ZNF839: variants seen among roughly 807,000 people sequenced by gnomAD.
ZNF839 encodes zinc finger protein 839.
Under a neutral mutation model 56.4 loss-of-function variants are expected in ZNF839, and 38 were observed. The ratio of observed to expected loss-of-function variants is 0.67; its 90% CI spans 0.52 to 0.88. ZNF839 has a LOEUF of 0.88. ZNF839 is among the 40% of genes least tolerant of loss of function. ZNF839 has a pLI of 0.00. For missense variants in ZNF839, 1,091 were observed against 1,177.6 expected (o/e 0.93, Z 1.08); for synonymous variants, 486 against 493.5 (o/e 0.98, Z 0.20).
At chr14:102,325,408 G>A (rs1313272143) in intron 1 of ZNF839, among the ~76,000 whole-genome samples, 1 of 151,842 alleles carries the variant, frequency 6.6e-6, no homozygotes, top group African/African-American at 2.4e-5. Context: ...ATGGTAAGTA[G>A]TTCCATCAAC....
chr14:102,335,563 G>A (rs964910607), intron 4 of ZNF839, 126 bp from the exon 5 acceptor site: 2 of 947,612 alleles, frequency 2.1e-6, no homozygotes, highest in East Asian at 2.6e-5. Flanking sequence ...GGGGACTGAA[G>A]GAAACGCACA....
intron 1 of ZNF839, among the ~76,000 whole-genome samples, chr14:102,322,426 A>G (rs1202151212): frequency 6.6e-6 from 1 of 152,244 alleles, no homozygotes; most frequent in Non-Finnish European, 1.5e-5. Context: ...AGTTAACATT[A>G]GCTGAATTAA....
chr14:102,326,942 T>C lies in ZNF839; in HGVS notation c.1191+55T>C. ...TTATTTGGCCGTTCTCGGATTGCTA[T>C]AAAGAAATACCTGAGACCAGGTATT... On this transcript the variant is annotated intron_variant, in intron 2 of 7. Transcript: ENST00000442396. This position sits in a 1 kb window ranked among gnomAD's most constrained non-coding sequence, Gnocchi z 4.3. 2.0e-6 allele frequency: 3 copies of C among 1,481,394 alleles called. No individual in the cohort carries two copies. The highest frequency in any genetic ancestry group is 2.7e-6 in the Non-Finnish European group (3 of 1,112,546). The allele number at this position is 1,481,394 out of a possible 1,614,324, so 91.8% of individuals were successfully genotyped here. A position where few individuals can be genotyped will look rare whatever the true frequency, so the allele number is the denominator to read the frequency against.
intron 2 of ZNF839, among the ~76,000 whole-genome samples, chr14:102,328,217 G>A (rs2073525107): frequency 6.6e-6 from 1 of 150,550 alleles, no homozygotes; most frequent in South Asian, 2.1e-4. Context: ...AGCTGGGTAT[G>A]GTAGCACATG....
rs1413709232 is a variant in ZNF839, at chr14:102,331,739, G to A, written c.1309G>A (p.Glu437Lys). ...RRRACSETLA[E>K]SRTAVLQQRR... ...ACGCGCATGCTCAGAGACCCTTGCA[G>A]AGTCCCGCACAGCTGTCCTCCAGCA... is the stretch of plus-strand genomic sequence containing the variant. The change falls in exon 3 of 8, where the codon GAG (glutamate) becomes AAG (lysine). Residue 437 changes from glutamate (E) to lysine (K), a missense_variant. This residue lies in a region of ZNF839 where 614 missense variants were observed against 629.2 expected (regional missense o/e 0.98). Transcript: ENST00000442396. 3 of 1,605,812 alleles carry A rather than the reference G, an allele frequency of 1.9e-6. No homozygotes were observed. The East Asian group carries it at 6.7e-5, about 36-fold the overall frequency.
At position 102,331,732 on chromosome 14, in the gene ZNF839, C is replaced by G. The variant is rs765794126; in HGVS notation, c.1302C>G (p.Thr434=). 6 of 1,606,976 alleles carry G rather than the reference C, an allele frequency of 3.7e-6. No homozygotes were observed. In the South Asian group the frequency reaches 6.7e-5, roughly 18 times the overall value. Residue 434 remains threonine (T), a synonymous_variant, in exon 3 of 8, where the codon ACC becomes ACG. Coordinates refer to ENST00000442396, the MANE Select transcript of ZNF839 (RefSeq NM_018335.6). ...QGPRRRACSE[T]LAESRTAVLQ... ...CTAGAAGACGCGCATGCTCAGAGAC[C>G]CTTGCAGAGTCCCGCACAGCTGTCC...
At chr14:102,324,187 A>T (rs1257832226) in intron 1 of ZNF839, among the ~76,000 whole-genome samples, 4 of 152,110 alleles carry the variant, frequency 2.6e-5, no homozygotes, top group African/African-American at 7.2e-5. Context: ...AAAACTTTTT[A>T]AAAAACATGG....
Position 102,319,782 on chromosome 14 carries a change from C to T in ZNF839, c.17C>T (p.Pro6Leu), listed in dbSNP as rs547513991. 622 of 1,231,600 alleles carry T rather than the reference C, an allele frequency of 5.1e-4. 5 individuals carry two copies. The African/African-American group carries it at 8.9e-3, about 18-fold the overall frequency. 76.3% of individuals were successfully genotyped at this position (1,231,600 alleles called of 1,614,324 possible). The part of the protein sequence containing the change: MADAE[P>L]EAGGGSEDGG... Reference sequence around the variant, plus strand: ...TCGGCCGCCATGGCGGATGCGGAGCCGGAGGCTGGGGGCGGCAGCGAGGAT... The same window carrying T: ...TCGGCCGCCATGGCGGATGCGGAGCTGGAGGCTGGGGGCGGCAGCGAGGAT... Residue 6 changes from proline to leucine, a missense_variant, in exon 1 of 8, where the codon CCG (proline) becomes CTG (leucine). By Grantham distance (98) the Pro-to-Leu change is moderately conservative (BLOSUM62 -3). Around this residue, in one of 3 missense-constraint regions of ZNF839, gnomAD observed 614 missense variants for 629.2 expected, o/e 0.98. Coordinates refer to ENST00000442396, the MANE Select transcript of ZNF839 (RefSeq NM_018335.6). The surrounding 1 kb of genome is among the most constrained non-coding windows in gnomAD (Gnocchi z 4.5).
chr14:102,330,082 A>G (rs1254819129), intron 2 of ZNF839, among the ~76,000 whole-genome samples: 2 of 151,976 alleles, frequency 1.3e-5, no homozygotes, highest in East Asian at 3.9e-4. Context: ...GGCGTGAGCC[A>G]TTGCGCCCGG....
intron 5 of ZNF839, among the ~76,000 whole-genome samples, 177 bp downstream of exon 5, chr14:102,336,015 C>T (rs1403526287): frequency 6.6e-6 from 1 of 152,108 alleles, no homozygotes; most frequent in Non-Finnish European, 1.5e-5. Context: ...TCAGTCTCTA[C>T]TAAAAATACA....
rs760936373 is a variant in ZNF839 at position 102,339,086 on chromosome 14, C to T, written c.1798-8C>T. ...CCTATTCTAGCTGATTGGGTCTTCT[C>T]TTCACAGGCTGCGGAGGAGGGACTG... is the stretch of plus-strand genomic sequence containing the variant. On this transcript the variant is annotated splice_polypyrimidine_tract_variant and splice_region_variant and intron_variant, in intron 6 of 7. Coordinates refer to ENST00000442396, the MANE Select transcript of ZNF839 (RefSeq NM_018335.6). The T allele has an allele frequency of 6.2e-7, 1 of 1,613,842 alleles. No homozygotes were observed. The highest frequency in any genetic ancestry group is 8.5e-7 in the Non-Finnish European group (1 of 1,179,838).
intron 2 of ZNF839, among the ~76,000 whole-genome samples, chr14:102,329,577 G>T (rs180858818): frequency 6.6e-6 from 1 of 151,732 alleles, no homozygotes; most frequent in Non-Finnish European, 1.5e-5. Flanking sequence ...TAGAGACGGG[G>T]TTTCGCCATA....
chr14:102,317,559 CG>C (rs58716954), upstream of ZNF839: 19,093 of 151,912 alleles, frequency 0.13, 1,859 homozygotes, highest in African/African-American at 0.28. Flanking sequence ...GGCCCACTTG[CG>C]GGGAAGTCTT....
At chr14:102,328,043 C>A (rs2073512735) in intron 2 of ZNF839, among the ~76,000 whole-genome samples, 1 of 151,808 alleles carries the variant, frequency 6.6e-6, no homozygotes, top group Non-Finnish European at 1.5e-5. Flanking sequence ...ATTATCACAT[C>A]AAAAAATTTT....
In ZNF839 at chr14:102,319,917, C is replaced by T. The variant is rs1567280873; in HGVS notation, c.152C>T (p.Ala51Val). 1 of 1,235,358 alleles carries T rather than the reference C, an allele frequency of 8.1e-7. No homozygotes were observed. Among genetic ancestry groups the T allele is most frequent in the Non-Finnish European group, 1.0e-6 (1 of 983,038 alleles). The allele number at this position is 1,235,358 out of a possible 1,614,324, so 76.5% of individuals were successfully genotyped here. ...CAGGTCCTGGAGCAGGTGACGAAGG[C>T]GCAGCCGCCGCCGCCGCCGCCCCCC... ...LRQVLEQVTK[A>V]QPPPPPPPFV... The change falls in exon 1 of 8, where the codon GCG becomes GTG. Residue 51 changes from alanine (A) to valine (V), a missense_variant. Ala to Val is a moderately conservative substitution (Grantham distance 64). Coordinates refer to ENST00000442396, the MANE Select transcript of ZNF839 (RefSeq NM_018335.6). This position sits in a 1 kb window ranked among gnomAD's most constrained non-coding sequence, Gnocchi z 4.5.
At chr14:102,331,491 C>A in intron 2 of ZNF839, 131 bp from the exon 3 acceptor site, 1 of 719,038 alleles carries the variant, frequency 1.4e-6, no homozygotes, top group Non-Finnish European at 2.3e-6. Flanking sequence ...CTCAAATGAT[C>A]CACCCGCCTT....
At chr14:102,340,099 A>G (rs1323579058) in intron 7 of ZNF839, among the ~76,000 whole-genome samples, 2 of 151,072 alleles carry the variant, frequency 1.3e-5, no homozygotes, top group Non-Finnish European at 2.9e-5. Context: ...CAGCCTCCCC[A>G]GTAGCTGGGA....
chr14:102,324,203 C>T (rs771797642), intron 1 of ZNF839, among the ~76,000 whole-genome samples: 5 of 152,082 alleles, frequency 3.3e-5, no homozygotes, highest in African/African-American at 2.4e-5. Flanking sequence ...CATGGGCCCA[C>T]ATTATGAATT....
At position 102,326,048 on chromosome 14, in the gene ZNF839, C is replaced by A; in HGVS notation, c.352C>A (p.Leu118Ile). Residue 118 changes from leucine to isoleucine, a missense_variant, in exon 2 of 8, where the codon CTC becomes ATC. Around this residue, in one of 3 missense-constraint regions of ZNF839, gnomAD observed 614 missense variants for 629.2 expected, o/e 0.98. Coordinates refer to ENST00000442396, the MANE Select transcript of ZNF839 (RefSeq NM_018335.6). This position sits in a 1 kb window ranked among gnomAD's most constrained non-coding sequence, Gnocchi z 4.3. The stretch of plus-strand genomic sequence containing the variant: ...AACAAAAGGTCAGGAAAGGCCAATG[C>A]TCCTACCGACCACAATCCAGCCCCA... ...GETKGQERPM[L>I]LPTTIQPQTA... 1 of 1,613,528 alleles carries A rather than the reference C, an allele frequency of 6.2e-7. No individual in the cohort carries two copies. The highest frequency in any genetic ancestry group is 8.5e-7 in the Non-Finnish European group (1 of 1,179,700).
Sources: allele counts gnomAD v4.1 joint callset (sites outside exome capture counted in the v4.1 genomes callset), GRCh38; gene constraint gnomAD v4.1.1; regional missense constraint gnomAD v4.1.1; non-coding constraint Gnocchi (gnomAD v3.1); transcripts MANE v1.5; gene names NCBI Gene and HGNC (gene_info 2026-07-23, HGNC 2026-07-21).